The following ADCY2 variants were observed in gnomAD, a reference collection of about 807,000 sequenced individuals.
ADCY2 encodes adenylate cyclase 2.
Under a neutral mutation model 125.2 loss-of-function variants are expected in ADCY2, and 31 were observed. That is an observed-to-expected ratio of 0.25 (90% CI 0.19 to 0.33). ADCY2 has a LOEUF of 0.33. Among genes scored for constraint, ADCY2 ranks in the 10% least tolerant of loss-of-function variants. The pLI is 1.00. For missense variants in ADCY2, 904 were observed against 1,418.2 expected, an observed-to-expected ratio of 0.64 and a Z score of 5.82; for synonymous variants, 512 against 548.4, an observed-to-expected ratio of 0.93 and a Z score of 0.93.
intron 3 of ADCY2, among the ~76,000 whole-genome samples, chr5:7,575,557 A>T (rs1736220109): frequency 6.6e-6 from 1 of 151,848 alleles, no homozygotes; most frequent in Admixed American, 6.6e-5. Context: ...TTTAAGTGAA[A>T]ATTATCTCTT....
chr5:7,566,339 T>TA (rs923526695), intron 3 of ADCY2, among the ~76,000 whole-genome samples: 4 of 151,818 alleles, frequency 2.6e-5, no homozygotes, highest in African/African-American at 4.8e-5. Flanking sequence ...TAAAAAAAAT[T>TA]AAAAAAATTA....
chr5:7,559,073 T>C (rs535888621), intron 3 of ADCY2, among the ~76,000 whole-genome samples: 2 of 152,336 alleles, frequency 1.3e-5, no homozygotes, highest in East Asian at 1.9e-4. Context: ...TTTTGATTAC[T>C]GTAGCCCTGT....
At chr5:7,625,203 G>T (rs1370119820) in intron 3 of ADCY2, among the ~76,000 whole-genome samples, 1 of 152,176 alleles carries the variant, frequency 6.6e-6, no homozygotes, top group African/African-American at 2.4e-5. Flanking sequence ...GAACAATATG[G>T]ACATATCTAA....
chr5:7,772,766 T>C (rs975565464), intron 17 of ADCY2, among the ~76,000 whole-genome samples, 166 bp from the exon 18 acceptor site: 1 of 151,686 alleles, frequency 6.6e-6, no homozygotes, highest in South Asian at 2.1e-4. Flanking sequence ...GAATTTAACA[T>C]ATCCAGGCAT....
chr5:7,507,437 T>A (rs1250535600), intron 2 of ADCY2, among the ~76,000 whole-genome samples: 2 of 67,708 alleles, frequency 3.0e-5, no homozygotes, highest in African/African-American at 6.2e-5. Context: ...CGAGACTCCG[T>A]CTCAAAAAAA....
intron 4 of ADCY2, among the ~76,000 whole-genome samples, chr5:7,647,813 G>C (rs182708894): frequency 1.9e-3 from 291 of 152,316 alleles, no homozygotes; most frequent in African/African-American, 6.5e-3. Context: ...CCTATCTGCT[G>C]TAGGTACAAC....
At chr5:7,825,666 C>T (rs1332971634) in intron 24 of ADCY2, among the ~76,000 whole-genome samples, 2 of 152,222 alleles carry the variant, frequency 1.3e-5, no homozygotes, top group Non-Finnish European at 2.9e-5. Flanking sequence ...GAGCAGGTAG[C>T]CAACAGAGGG....
intron 3 of ADCY2, among the ~76,000 whole-genome samples, chr5:7,556,356 T>C (rs1159824885): frequency 7.9e-5 from 12 of 152,164 alleles, no homozygotes; most frequent in Non-Finnish European, 1.5e-4. Context: ...ACTTATGTTC[T>C]AGAAAATAAA....
chr5:7,620,595 G>A, intron 3 of ADCY2, among the ~76,000 whole-genome samples: 1 of 152,216 alleles, frequency 6.6e-6, no homozygotes, highest in Non-Finnish European at 1.5e-5. Context: ...AAAATGCTAA[G>A]GAGATGGGAT....
At chr5:7,747,983 C>T (rs1742681890) in intron 15 of ADCY2, among the ~76,000 whole-genome samples, 1 of 152,234 alleles carries the variant, frequency 6.6e-6, no homozygotes, top group Admixed American at 6.5e-5. Context: ...GAACTTGAAG[C>T]TCTGAATCCA....
intron 11 of ADCY2, among the ~76,000 whole-genome samples, chr5:7,713,504 A>T (rs1435502130): frequency 1.3e-5 from 2 of 151,230 alleles, no homozygotes; most frequent in African/African-American, 4.9e-5. Flanking sequence ...AGAAAAAAAA[A>T]AAATAAAAAG....
chr5:7,549,295 G>A (rs1735250831), intron 3 of ADCY2, among the ~76,000 whole-genome samples: 1 of 152,304 alleles, frequency 6.6e-6, no homozygotes, highest in East Asian at 1.9e-4. Flanking sequence ...GATCCCTGGC[G>A]AAGGCAGCAC....
intron 1 of ADCY2, among the ~76,000 whole-genome samples, chr5:7,407,206 T>C (rs1739528166): frequency 6.6e-6 from 1 of 152,334 alleles, no homozygotes; most frequent in Non-Finnish European, 1.5e-5. Flanking sequence ...AAAAGAAGAA[T>C]AATTATCTCC....
chr5:7,804,071 A>AGAGAGAGAGAGAGAGC (rs1280836195), intron 21 of ADCY2, among the ~76,000 whole-genome samples: 8 of 148,678 alleles, frequency 5.4e-5, no homozygotes, highest in Non-Finnish European at 8.9e-5. Flanking sequence ...AGAGAGAGAG[A>AGAGAGAGAGAGAGAGC]GAGCTGGTTT....
chr5:7,445,233 TG>T lies in ADCY2; in HGVS notation c.408+30467del, dbSNP rs571216494. ...GTTTTACACTTAGATTACTGATTCA[TG>T]GGGCATTTGTCCCCGTGGGAAGTGT... On this transcript the variant is annotated intron_variant, in intron 2 of 24. Transcript: ENST00000338316. Among the ~76,000 whole-genome samples the T allele has an allele frequency of 4.7e-4, 71 of 152,332 alleles. 1 individual carries two copies. In the East Asian group the frequency reaches 0.012, roughly 26 times the overall value.
chr5:7,510,823 AGT>A (rs1438315911), intron 2 of ADCY2, among the ~76,000 whole-genome samples: 1 of 152,026 alleles, frequency 6.6e-6, no homozygotes, highest in African/African-American at 2.4e-5. Flanking sequence ...ACTTACTTAC[AGT>A]GTGTGTGTGT....
intron 14 of ADCY2, among the ~76,000 whole-genome samples, chr5:7,742,140 A>G (rs942575193): frequency 1.3e-5 from 2 of 151,892 alleles, no homozygotes; most frequent in Non-Finnish European, 2.9e-5. Flanking sequence ...AAAAAAAAAA[A>G]AAAACCTGTC....
At chr5:7,411,450 A>C (rs1031060944) in intron 1 of ADCY2, among the ~76,000 whole-genome samples, 2 of 152,236 alleles carry the variant, frequency 1.3e-5, no homozygotes, top group Non-Finnish European at 2.9e-5. Context: ...AGTCCTCTTT[A>C]TAGTTTGCAA....
At chr5:7,796,422 C>G (rs1744423018) in intron 20 of ADCY2, 1 of 152,192 alleles carries the variant, frequency 6.6e-6, no homozygotes, top group South Asian at 2.1e-4. Flanking sequence ...TAACACAGAT[C>G]ATGTCATTTT....
Sources: allele counts gnomAD v4.1 joint callset (sites outside exome capture counted in the v4.1 genomes callset), GRCh38; gene constraint gnomAD v4.1.1; transcripts MANE v1.5; gene names NCBI Gene and HGNC (gene_info 2026-07-23, HGNC 2026-07-21).